Variants in DLGAP2 observed in about 807,000 individuals in gnomAD.
DLGAP2 encodes the protein DLG associated protein 2.
In DLGAP2, 26 loss-of-function variants were observed where a neutral mutation model predicts 100.3. The ratio of observed to expected loss-of-function variants is 0.26; its 90% CI spans 0.19 to 0.36. DLGAP2 has a LOEUF of 0.36. Among genes scored for constraint, DLGAP2 ranks in the 10% least tolerant of loss-of-function variants. The pLI, the probability that DLGAP2 is intolerant of heterozygous loss-of-function variation, is 1.00. For missense variants in DLGAP2, 1,858 were observed against 1,453.2 expected, an observed-to-expected ratio of 1.28 and a Z score of -4.53; for synonymous variants, 886 against 630.1, an observed-to-expected ratio of 1.41 and a Z score of -6.08.
At chr8:1,023,465 G>A (rs1322715689) in intron 2 of DLGAP2, among the ~76,000 whole-genome samples, 1 of 152,158 alleles carries the variant, frequency 6.6e-6, no homozygotes, top group Non-Finnish European at 1.5e-5. Flanking sequence ...CCTGTAGCGG[G>A]CACTGTAGTT....
rs569780947 is a variant in DLGAP2 at position 1,181,522 on chromosome 8, C to T, written c.74-77329C>T. ...AACTGACAGGCACCGAGAGGGACAA[C>T]ATACACAGTGGGGCCGGGTTGAGGG... is the stretch of plus-strand genomic sequence containing the variant. On this transcript the variant is annotated intron_variant, in intron 2 of 14. Transcript: ENST00000637795. 3.3e-5 allele frequency among the ~76,000 whole-genome samples: 5 copies of T among 152,020 alleles called. No individual in the cohort carries two copies. The East Asian group carries it at 9.7e-4, about 30-fold the overall frequency.
rs76500038 is a variant in DLGAP2 at position 979,918 on chromosome 8, G to C, written c.73+71952G>C. On this transcript the variant is annotated intron_variant, in intron 2 of 14. Transcript: ENST00000637795. ...ATTCTGTGTTCCACATCACAGCTGT[G>C]GTAAGAAAGAGGAGTGAGAGAGGGG... Among the ~76,000 whole-genome samples, 441 of 152,302 alleles carry C rather than the reference G, an allele frequency of 2.9e-3. 2 individuals are homozygous for C. The highest frequency in any genetic ancestry group is 5.1e-3 in the Non-Finnish European group (348 of 68,030).
chr8:835,742 T>C (rs1018713445), intron 1 of DLGAP2, among the ~76,000 whole-genome samples: 7 of 152,344 alleles, frequency 4.6e-5, no homozygotes, highest in African/African-American at 1.7e-4. Context: ...TACTTAGTTA[T>C]TAAAGAGTAT....
At chr8:927,687 C>T (rs1340461697) in intron 2 of DLGAP2, among the ~76,000 whole-genome samples, 3 of 152,078 alleles carry the variant, frequency 2.0e-5, no homozygotes, top group African/African-American at 7.2e-5. Context: ...TCAAGCCAGA[C>T]ACACCAGGGA....
intron 2 of DLGAP2, among the ~76,000 whole-genome samples, chr8:1,229,113 A>T (rs1330247585): frequency 6.6e-6 from 1 of 152,194 alleles, no homozygotes; most frequent in Non-Finnish European, 1.5e-5. Flanking sequence ...ACTCAATTGC[A>T]TGCATGTATA....
intron 2 of DLGAP2, among the ~76,000 whole-genome samples, chr8:1,031,377 T>A (rs1003589139): frequency 7.2e-5 from 11 of 152,144 alleles, no homozygotes; most frequent in Non-Finnish European, 1.0e-4. Flanking sequence ...ACATCGAGAT[T>A]TCTTGCACTT....
chr8:1,207,612 A>G (rs1420724095), intron 2 of DLGAP2, among the ~76,000 whole-genome samples: 2 of 152,114 alleles, frequency 1.3e-5, no homozygotes, highest in Non-Finnish European at 2.9e-5. Context: ...CAAACAGTAG[A>G]TCTACTTTTA....
rs995705677 is a variant in DLGAP2 at position 1,497,298 on chromosome 8, A to G, written c.107-4068A>G. Among the ~76,000 whole-genome samples the G allele has an allele frequency of 5.3e-5, 8 of 152,188 alleles. 1 individual carries two copies. The highest frequency in any genetic ancestry group is 4.6e-4 in the Admixed American group (7 of 15,278). ...TTCACAGCACCGATCAGCCTCACAC[A>G]TGGGATGGGATAGCGTCCAGCCTCT... On this transcript the variant is annotated intron_variant, in intron 3 of 14. Transcript: ENST00000637795.
intron 2 of DLGAP2, among the ~76,000 whole-genome samples, chr8:1,105,682 A>G (rs1291494313): frequency 7.0e-6 from 1 of 143,280 alleles, no homozygotes; most frequent in Admixed American, 7.1e-5. Context: ...GGGCCATTCT[A>G]GGATGGTTTT....
At chr8:1,077,172 C>G (rs1803648061) in intron 2 of DLGAP2, among the ~76,000 whole-genome samples, 3 of 152,226 alleles carry the variant, frequency 2.0e-5, no homozygotes, top group Admixed American at 2.0e-4. Flanking sequence ...TGTCTGTCCT[C>G]CGGTTTCTGC....
chr8:750,670 C>A (rs1820766635), intron 1 of DLGAP2, among the ~76,000 whole-genome samples: 1 of 152,334 alleles, frequency 6.6e-6, no homozygotes. Flanking sequence ...GGCACCTGGC[C>A]CACATCCCGG....
intron 3 of DLGAP2, among the ~76,000 whole-genome samples, chr8:1,325,061 G>C (rs1332342426): frequency 2.6e-5 from 4 of 152,162 alleles, no homozygotes; most frequent in Non-Finnish European, 1.5e-5. Flanking sequence ...ACCGATGGAT[G>C]CTCTGCCTGG....
intron 2 of DLGAP2, among the ~76,000 whole-genome samples, chr8:1,160,538 G>T (rs931760277): frequency 6.6e-6 from 1 of 152,172 alleles, no homozygotes; most frequent in African/African-American, 2.4e-5. Context: ...ACGTGTTTTT[G>T]CTTTGGATGC....
At chr8:1,323,143 C>A (rs1223244843) in intron 3 of DLGAP2, among the ~76,000 whole-genome samples, 1 of 151,926 alleles carries the variant, frequency 6.6e-6, no homozygotes, top group Non-Finnish European at 1.5e-5. Context: ...AATTCTCCTA[C>A]CTCAGCCTCC....
intron 2 of DLGAP2, among the ~76,000 whole-genome samples, chr8:1,186,896 C>T (rs982618228): frequency 1.3e-5 from 2 of 152,126 alleles, no homozygotes; most frequent in Non-Finnish European, 2.9e-5. Flanking sequence ...GCATCCACCC[C>T]ATATCCCTTA....
chr8:1,672,251 G>A (rs1375903408), intron 10 of DLGAP2, among the ~76,000 whole-genome samples: 1 of 144,746 alleles, frequency 6.9e-6, no homozygotes, highest in African/African-American at 2.6e-5. Context: ...TTTTGAGATG[G>A]AGTCTCACTC....
intron 2 of DLGAP2, among the ~76,000 whole-genome samples, chr8:1,024,797 G>A (rs769403139): frequency 1.7e-4 from 26 of 152,168 alleles, no homozygotes; most frequent in Non-Finnish European, 2.5e-4. Flanking sequence ...TGGGACACGC[G>A]TGAGGGGCTT....
At chr8:1,116,598 C>A (rs192056434) in intron 2 of DLGAP2, among the ~76,000 whole-genome samples, 2 of 152,104 alleles carry the variant, frequency 1.3e-5, no homozygotes, top group African/African-American at 4.8e-5. Context: ...GCATTTGAGA[C>A]CAGCCTGGGC....
At chr8:1,196,509 C>G (rs1286770876) in intron 2 of DLGAP2, among the ~76,000 whole-genome samples, 3 of 152,184 alleles carry the variant, frequency 2.0e-5, no homozygotes, top group Admixed American at 6.5e-5. Flanking sequence ...TGAGCTGGAA[C>G]AAGTCGTCTG....
Sources: allele counts gnomAD v4.1 joint callset (sites outside exome capture counted in the v4.1 genomes callset), GRCh38; gene constraint gnomAD v4.1.1; transcripts MANE v1.5; gene names NCBI Gene and HGNC (gene_info 2026-07-23, HGNC 2026-07-21).